Variants in IFT74 observed in about 807,000 individuals in gnomAD.
IFT74 encodes the protein intraflagellar transport protein 74 homolog.
Under a neutral mutation model 96.7 loss-of-function variants are expected in IFT74, and 92 were observed. The ratio of observed to expected loss-of-function variants is 0.95; its 90% CI spans 0.80 to 1.13. IFT74 has a LOEUF of 1.13. Among genes scored for constraint, IFT74 ranks in the 50% most tolerant of loss-of-function variants. The pLI is 0.00. For synonymous variants in IFT74, 223 were observed against 213.2 expected (o/e 1.05, Z -0.40); for missense variants, 811 against 698.2 (o/e 1.16, Z -1.82).
chr9:26,956,109 T>TA (rs1826080915), upstream of IFT74: 1 of 152,218 alleles, frequency 6.6e-6, no homozygotes, highest in African/African-American at 2.4e-5. Flanking sequence ...TTAACAACGT[T>TA]AGCCGACGTG....
intron 12 of IFT74, among the ~76,000 whole-genome samples, chr9:27,019,927 A>G (rs534600698): frequency 1.3e-5 from 2 of 152,178 alleles, no homozygotes; most frequent in African/African-American, 4.8e-5. Context: ...TTTGTAAAAC[A>G]ATCATTTTAC....
chr9:26,999,641 T>A, intron 8 of IFT74: 1 of 1,609,172 alleles, frequency 6.2e-7, no homozygotes, highest in South Asian at 1.1e-5. Flanking sequence ...TTTTGTCTGA[T>A]AATAATATCA....
intron 1 of IFT74, chr9:26,947,278 C>G (rs1825768811): frequency 3.7e-6 from 2 of 534,212 alleles, no homozygotes; most frequent in Non-Finnish European, 6.5e-6. Flanking sequence ...GGCCTCAGCC[C>G]TCCATGACGC....
chr9:26,947,290 G>A, intron 1 of IFT74: 1 of 507,952 alleles, frequency 2.0e-6, no homozygotes, highest in Non-Finnish European at 3.4e-6. Flanking sequence ...CCATGACGCA[G>A]AGTGTGTGCG....
chr9:27,019,111 T>G (rs1203068182), intron 12 of IFT74, among the ~76,000 whole-genome samples: 2 of 152,014 alleles, frequency 1.3e-5, no homozygotes, highest in Admixed American at 6.6e-5. Context: ...CACACCACCA[T>G]ATCTGGCTAA....
intron 13 of IFT74, among the ~76,000 whole-genome samples, chr9:27,032,955 A>G (rs1190094864): frequency 6.6e-6 from 1 of 152,174 alleles, no homozygotes; most frequent in African/African-American, 2.4e-5. Context: ...AATTTTAAAT[A>G]TGAATCTGGC....
At chr9:27,043,255 C>T (rs1001380821) in intron 13 of IFT74, among the ~76,000 whole-genome samples, 2 of 152,148 alleles carry the variant, frequency 1.3e-5, no homozygotes, top group South Asian at 2.1e-4. Context: ...TTTTGGAAGC[C>T]TTAACATAAG....
intron 13 of IFT74, chr9:27,036,693 A>AG: frequency 7.6e-7 from 1 of 1,315,520 alleles, no homozygotes; most frequent in East Asian, 3.0e-5. Context: ...GAAAAAAAAA[A>AG]GACTCCTAAA....
chr9:26,963,786 G>T (rs536102010), intron 2 of IFT74, among the ~76,000 whole-genome samples: 3 of 152,118 alleles, frequency 2.0e-5, no homozygotes, highest in Non-Finnish European at 4.4e-5. Context: ...GATGTCTTTC[G>T]CCCACTTTTT....
intron 16 of IFT74, among the ~76,000 whole-genome samples, chr9:27,052,025 A>G (rs1430335793): frequency 1.3e-5 from 2 of 152,230 alleles, no homozygotes; most frequent in Admixed American, 1.3e-4. Context: ...TTCATGCCTA[A>G]GTTTTTCATT....
intron 12 of IFT74, among the ~76,000 whole-genome samples, chr9:27,023,089 T>TCATATATAGA (rs1817742549): frequency 6.6e-6 from 1 of 152,194 alleles, no homozygotes; most frequent in Non-Finnish European, 1.5e-5. Context: ...AGTTATATGA[T>TCATATATAGA]CATATCAAGA....
rs571708471 is a variant in IFT74 at position 27,029,053 on chromosome 9, C to G, written c.1003C>G (p.Gln335Glu). ...AACAGATACAAAAGAAAAGATAAATCAGTTTATTGAAGAAATTAGACAACT... is the reference window on the plus strand; with the variant it reads ...AACAGATACAAAAGAAAAGATAAATGAGTTTATTGAAGAAATTAGACAACT... Reference protein sequence around the residue: ...QLTDTKEKINQFIEEIRQLDM... With the variant: ...QLTDTKEKINEFIEEIRQLDM... The change falls in exon 13 of 20, where the codon CAG (glutamine) becomes GAG (glutamate). Residue 335 changes from glutamine to glutamate, a missense_variant. Physicochemically the swap from Gln to Glu is conservative, Grantham distance 29. Coordinates refer to ENST00000380062, the MANE Select transcript of IFT74 (RefSeq NM_025103.4). The G allele has an allele frequency of 1.2e-6, 2 of 1,600,796 alleles. No homozygotes were observed. The highest frequency in any genetic ancestry group is 1.7e-6 in the Non-Finnish European group (2 of 1,173,476).
chr9:26,994,651 T>A lies in IFT74; in HGVS notation c.587+4456T>A, dbSNP rs1828052844. On this transcript the variant is annotated intron_variant, in intron 8 of 19. Transcript: ENST00000380062. ...TTCTTCTTCTGTAAATACTTGTGAA[T>A]GTCTCTCTGGAAATTAGTATTCTAG... is the stretch of plus-strand genomic sequence containing the variant. The A allele has an allele frequency of 3.9e-5, 6 of 152,718 alleles. No homozygotes were observed. The South Asian group carries it at 1.2e-3, about 32-fold the overall frequency. 9.5% of individuals were successfully genotyped at this position (152,718 alleles called of 1,614,324 possible).
At chr9:26,968,509 C>T (rs1826735092) in intron 2 of IFT74, among the ~76,000 whole-genome samples, 1 of 152,214 alleles carries the variant, frequency 6.6e-6, no homozygotes, top group African/African-American at 2.4e-5. Context: ...ATCCGCCCAC[C>T]TCAGCCTCCC....
intron 8 of IFT74, among the ~76,000 whole-genome samples, chr9:26,990,458 T>C (rs1178263618): frequency 6.6e-6 from 1 of 152,206 alleles, no homozygotes; most frequent in African/African-American, 2.4e-5. Context: ...TTATGATGGA[T>C]AAGAACATCT....
At chr9:26,957,328 A>T (rs1270720487) in intron 1 of IFT74, among the ~76,000 whole-genome samples, 1 of 152,326 alleles carries the variant, frequency 6.6e-6, no homozygotes, top group East Asian at 1.9e-4. Flanking sequence ...GGAAACCTAG[A>T]GTAATATCTT....
At chr9:27,005,333 T>C (rs1353045069) in intron 8 of IFT74, among the ~76,000 whole-genome samples, 1 of 144,390 alleles carries the variant, frequency 6.9e-6, no homozygotes, top group Non-Finnish European at 1.5e-5. Flanking sequence ...ATAAATTTGA[T>C]TGGCTAGATG....
chr9:26,961,107 G>A (rs1826336419), intron 1 of IFT74, among the ~76,000 whole-genome samples: 1 of 146,670 alleles, frequency 6.8e-6, no homozygotes, highest in Non-Finnish European at 1.5e-5. Flanking sequence ...TTTTTGGGTG[G>A]GGGGATGGAG....
chr9:26,983,780 T>C, intron 4 of IFT74: 1 of 146,250 alleles, frequency 6.8e-6, no homozygotes, highest in East Asian at 2.0e-4. Context: ...CTCATTCTTT[T>C]TTTTTTTTTT....
Sources: gnomAD v4.1 joint callset for allele counts (sites outside exome capture counted in the v4.1 genomes callset) on GRCh38, gnomAD v4.1.1 for gene constraint, MANE v1.5 for transcripts, NCBI Gene and HGNC (gene_info 2026-07-23, HGNC 2026-07-21) for gene names.